The following GRID2 variants were observed in gnomAD, a reference collection of about 807,000 sequenced individuals.
GRID2 encodes glutamate ionotropic receptor delta type subunit 2.
A neutral mutation model predicts 114.8 loss-of-function variants in GRID2; 33 were observed. That is an observed-to-expected ratio of 0.29 (90% CI 0.22 to 0.38). The LOEUF (loss-of-function observed/expected upper bound fraction) is 0.38, where lower values mean the gene tolerates loss of function less well. Among genes scored for constraint, GRID2 ranks in the 10% least tolerant of loss-of-function variants. The pLI, the probability that GRID2 is intolerant of heterozygous loss-of-function variation, is 1.00. For synonymous variants in GRID2, 505 were observed against 449.9 expected (o/e 1.12, Z -1.55); for missense variants, 1,184 against 1,257.7 (o/e 0.94, Z 0.89).
At chr4:93,682,018 C>T (rs867974439) in intron 14 of GRID2, among the ~76,000 whole-genome samples, 3 of 151,432 alleles carry the variant, frequency 2.0e-5, no homozygotes, top group Admixed American at 2.0e-4. Context: ...AGAAAATTTT[C>T]ACAACCTACT....
intron 1 of GRID2, among the ~76,000 whole-genome samples, chr4:92,318,458 C>A (rs1042020566): frequency 2.7e-5 from 4 of 149,270 alleles, no homozygotes; most frequent in Non-Finnish European, 4.4e-5. Context: ...AAGTTTACAA[C>A]CCTCTTTGGA....
At chr4:93,784,396 C>T (rs1178828780) in intron 1 of GRID2, among the ~76,000 whole-genome samples, 2 of 152,010 alleles carry the variant, frequency 1.3e-5, no homozygotes, top group African/African-American at 4.8e-5. Flanking sequence ...GCAGGAAGCA[C>T]TAAGGCACCC....
At chr4:93,592,686 G>T (rs1431733196) in intron 13 of GRID2, among the ~76,000 whole-genome samples, 2 of 152,120 alleles carry the variant, frequency 1.3e-5, no homozygotes, top group African/African-American at 2.4e-5. Context: ...TAATGTGTGG[G>T]AGTCTAAGTC....
chr4:92,665,034 A>G (rs114507544), intron 2 of GRID2, among the ~76,000 whole-genome samples: 1,846 of 150,208 alleles, frequency 0.012, 35 homozygotes, highest in African/African-American at 0.041. Context: ...TGTTTAAAGT[A>G]ATTACTGATA....
chr4:92,642,004 T>C (rs1478371107), intron 2 of GRID2, among the ~76,000 whole-genome samples: 1 of 151,454 alleles, frequency 6.6e-6, no homozygotes, highest in Non-Finnish European at 1.5e-5. Flanking sequence ...GTTGTATATG[T>C]ACCACATTTT....
At chr4:92,437,642 T>G (rs1732801953) in intron 1 of GRID2, among the ~76,000 whole-genome samples, 1 of 152,248 alleles carries the variant, frequency 6.6e-6, no homozygotes, top group Admixed American at 6.5e-5. Context: ...GATATTTGAT[T>G]ATTCATATGT....
intron 1 of GRID2, among the ~76,000 whole-genome samples, chr4:93,786,597 T>C (rs138019170): frequency 1.4e-4 from 22 of 152,318 alleles, no homozygotes; most frequent in Admixed American, 2.6e-4. Flanking sequence ...CTAGGTTCAA[T>C]TGCCTGATGT....
intron 2 of GRID2, among the ~76,000 whole-genome samples, chr4:93,079,993 C>T (rs924179677): frequency 2.0e-5 from 3 of 152,050 alleles, no homozygotes; most frequent in Non-Finnish European, 2.9e-5. Flanking sequence ...ACACTATTTA[C>T]ATATTAAGGC....
chr4:92,395,344 ATTG>A (rs1224434571), intron 1 of GRID2, among the ~76,000 whole-genome samples: 2 of 151,722 alleles, frequency 1.3e-5, no homozygotes, highest in Non-Finnish European at 3.0e-5. Flanking sequence ...GATAAAAAAT[ATTG>A]TTAAGAAATG....
At chr4:92,513,346 T>C (rs1408640245) in intron 1 of GRID2, among the ~76,000 whole-genome samples, 2 of 151,834 alleles carry the variant, frequency 1.3e-5, no homozygotes, top group Non-Finnish European at 2.9e-5. Context: ...TCTGTTTCTA[T>C]CACACACCAT....
intron 2 of GRID2, among the ~76,000 whole-genome samples, chr4:92,746,223 A>G (rs1737142989): frequency 1.3e-5 from 2 of 152,158 alleles, no homozygotes; most frequent in South Asian, 4.1e-4. Flanking sequence ...GCTGTGAATA[A>G]ACTCATGATT....
chr4:92,977,841 A>G (rs1753966578), intron 2 of GRID2, among the ~76,000 whole-genome samples: 2 of 152,194 alleles, frequency 1.3e-5, no homozygotes. Flanking sequence ...GATAGCTACA[A>G]TGTCAGTTAT....
At chr4:92,527,085 A>G (rs1725081155) in intron 1 of GRID2, among the ~76,000 whole-genome samples, 1 of 152,098 alleles carries the variant, frequency 6.6e-6, no homozygotes, top group Non-Finnish European at 1.5e-5. Flanking sequence ...AAAACTCACA[A>G]TGTTAGTAAG....
At chr4:92,906,640 G>T (rs750811638) in intron 2 of GRID2, among the ~76,000 whole-genome samples, 2 of 151,642 alleles carry the variant, frequency 1.3e-5, no homozygotes, top group Non-Finnish European at 2.9e-5. Flanking sequence ...TTTTTTAGAG[G>T]CAGAGTCTCA....
At chr4:93,165,002 C>A (rs936901292) in intron 4 of GRID2, among the ~76,000 whole-genome samples, 3 of 151,882 alleles carry the variant, frequency 2.0e-5, no homozygotes, top group African/African-American at 7.3e-5. Context: ...GCAGGAAGAC[C>A]CTGGAGAAGT....
rs143831112 is a variant in GRID2 at position 93,370,414 on chromosome 4, AAC to A, written c.1246-25185_1246-25184del. ...AAACACACACAAACACACACACACAAACACACACAAACACGCACACACAGGCA... is the reference window on the plus strand; with the variant it reads ...AAACACACACAAACACACACACACAAACACACAAACACGCACACACAGGCA... On this transcript the variant is annotated intron_variant, in intron 8 of 15. Transcript: ENST00000282020. Among the ~76,000 whole-genome samples the A allele has an allele frequency of 9.6e-3, 1,394 of 145,144 alleles. 19 individuals carry two copies. Among genetic ancestry groups the A allele is most frequent in the African/African-American group, 0.033 (1,318 of 39,526 alleles).
chr4:92,420,672 G>C (rs1731859888), intron 1 of GRID2, among the ~76,000 whole-genome samples: 2 of 152,062 alleles, frequency 1.3e-5, no homozygotes, highest in South Asian at 4.1e-4. Flanking sequence ...CACCCACACT[G>C]AAATGTTTTT....
rs145020986 is a variant in GRID2, at chr4:93,054,652, C to T, written c.245-30343C>T. 1.3e-4 allele frequency among the ~76,000 whole-genome samples: 20 copies of T among 151,960 alleles called. 1 individual carries two copies. Among genetic ancestry groups the T allele is most frequent in the African/African-American group, 4.6e-4 (19 of 41,508 alleles). On this transcript the variant is annotated intron_variant, in intron 2 of 15. Coordinates refer to ENST00000282020, the MANE Select transcript of GRID2 (RefSeq NM_001510.4). ...ATGCTATACCAGTTTTATAATGTTACCACCTCTTCCCTGCTTTGGTAGAGT... is the reference window on the plus strand; with the variant it reads ...ATGCTATACCAGTTTTATAATGTTATCACCTCTTCCCTGCTTTGGTAGAGT...
intron 2 of GRID2, among the ~76,000 whole-genome samples, chr4:92,644,998 ATTC>A (rs1731540722): frequency 6.6e-6 from 1 of 151,504 alleles, no homozygotes; most frequent in African/African-American, 2.4e-5. Context: ...TTTAACATAT[ATTC>A]TTATAAATAT....
Sources: gnomAD v4.1 joint callset for allele counts (sites outside exome capture counted in the v4.1 genomes callset) on GRCh38, gnomAD v4.1.1 for gene constraint, MANE v1.5 for transcripts, NCBI Gene and HGNC (gene_info 2026-07-23, HGNC 2026-07-21) for gene names.